CDH12: variants seen among roughly 807,000 people sequenced by gnomAD.
CDH12 encodes cadherin 12.
Under a neutral mutation model 74.1 loss-of-function variants are expected in CDH12, and 41 were observed. The observed-to-expected ratio is 0.55, with a 90% confidence interval of 0.43 to 0.72. The LOEUF is 0.72. Among genes scored for constraint, CDH12 ranks in the 30% least tolerant of loss-of-function variants. CDH12 has a pLI of 0.00. For synonymous variants in CDH12, 399 were observed against 355.0 expected (o/e 1.12, Z -1.39); for missense variants, 945 against 977.2 (o/e 0.97, Z 0.44).
intron 1 of CDH12, among the ~76,000 whole-genome samples, chr5:22,566,676 G>A (rs1739301483): frequency 6.6e-6 from 1 of 152,100 alleles, no homozygotes; most frequent in African/African-American, 2.4e-5. Flanking sequence ...AAAAATGCTG[G>A]TTAGCGTCCG....
intron 2 of CDH12, among the ~76,000 whole-genome samples, chr5:22,416,971 G>A (rs1284129465): frequency 1.3e-5 from 2 of 152,000 alleles, no homozygotes; most frequent in African/African-American, 4.8e-5. Flanking sequence ...AGATAATTAT[G>A]GACTACATTT....
chr5:22,613,589 G>C (rs1737527043), intron 1 of CDH12, among the ~76,000 whole-genome samples: 1 of 152,060 alleles, frequency 6.6e-6, no homozygotes, highest in African/African-American at 2.4e-5. Flanking sequence ...ATTTTCGACT[G>C]CCAAAACATC....
At chr5:22,090,606 TAC>T (rs59054021) in intron 4 of CDH12, among the ~76,000 whole-genome samples, 909 of 147,492 alleles carry the variant, frequency 6.2e-3, no homozygotes, top group Middle Eastern at 0.035. Flanking sequence ...CATACATACA[TAC>T]ACACACACAC....
At chr5:22,069,114 T>G (rs1741764529) in intron 5 of CDH12, among the ~76,000 whole-genome samples, 1 of 152,198 alleles carries the variant, frequency 6.6e-6, no homozygotes, top group Non-Finnish European at 1.5e-5. Context: ...AACTACCATC[T>G]GTGACCTATA....
At chr5:22,390,973 T>G (rs535343905) in intron 3 of CDH12, among the ~76,000 whole-genome samples, 1 of 152,224 alleles carries the variant, frequency 6.6e-6, no homozygotes, top group Non-Finnish European at 1.5e-5. Context: ...TAGATCTGCT[T>G]TGGTTGGGAT....
chr5:22,389,051 A>G (rs1360228289), intron 3 of CDH12, among the ~76,000 whole-genome samples: 1 of 152,198 alleles, frequency 6.6e-6, no homozygotes, highest in Non-Finnish European at 1.5e-5. Context: ...ATTTATGACT[A>G]AGCCAATACC....
intron 1 of CDH12, among the ~76,000 whole-genome samples, chr5:22,764,869 G>GAGA (rs1244854996): frequency 1.3e-5 from 2 of 151,922 alleles, no homozygotes; most frequent in African/African-American, 2.4e-5. Context: ...AAGAAAGTCG[G>GAGA]AGAAATTGTT....
chr5:22,005,286 G>A (rs1251381571), intron 5 of CDH12, among the ~76,000 whole-genome samples: 6 of 151,900 alleles, frequency 3.9e-5, no homozygotes, highest in East Asian at 3.9e-4. Flanking sequence ...CAGGTGATCC[G>A]CCCACCTCGG....
chr5:22,364,730 C>A (rs564136571), intron 3 of CDH12, among the ~76,000 whole-genome samples: 1 of 152,188 alleles, frequency 6.6e-6, no homozygotes, highest in Admixed American at 6.5e-5. Flanking sequence ...AAAAATGCAC[C>A]AATGTTACCT....
intron 5 of CDH12, among the ~76,000 whole-genome samples, chr5:21,996,104 CG>C (rs1464417323): frequency 8.2e-6 from 1 of 121,794 alleles, no homozygotes; most frequent in Non-Finnish European, 1.6e-5. Context: ...TTCACACACA[CG>C]TTTTTTTTTT....
chr5:22,085,690 A>G (rs922613890), intron 4 of CDH12, among the ~76,000 whole-genome samples: 2 of 152,196 alleles, frequency 1.3e-5, no homozygotes, highest in Non-Finnish European at 2.9e-5. Context: ...TTTATTTTCC[A>G]TATTATTAAA....
intron 2 of CDH12, among the ~76,000 whole-genome samples, chr5:22,431,647 G>A (rs939411506): frequency 1.3e-5 from 2 of 152,200 alleles, no homozygotes; most frequent in African/African-American, 2.4e-5. Flanking sequence ...CTCAATGCAT[G>A]TAAGTGCCCC....
chr5:22,398,680 C>T (rs1328322518), intron 3 of CDH12, among the ~76,000 whole-genome samples: 1 of 152,108 alleles, frequency 6.6e-6, no homozygotes, highest in Non-Finnish European at 1.5e-5. Flanking sequence ...TCCTTTTTCA[C>T]CAGAGACATC....
At chr5:21,924,929 C>T (rs988106680) in intron 6 of CDH12, among the ~76,000 whole-genome samples, 4 of 152,030 alleles carry the variant, frequency 2.6e-5, no homozygotes, top group African/African-American at 9.7e-5. Context: ...CATCTGTATC[C>T]AACATATAGC....
At chr5:22,576,612 T>G (rs1390304407) in intron 1 of CDH12, among the ~76,000 whole-genome samples, 1 of 152,104 alleles carries the variant, frequency 6.6e-6, no homozygotes, top group African/African-American at 2.4e-5. Context: ...TCGGAGGAAA[T>G]TGCCGTTAAG....
At chr5:21,892,397 A>AGGT (rs1479977842) in intron 6 of CDH12, among the ~76,000 whole-genome samples, 1 of 152,100 alleles carries the variant, frequency 6.6e-6, no homozygotes, top group African/African-American at 2.4e-5. Flanking sequence ...ACTCTAGGGT[A>AGGT]GGTGGTGGGT....
chr5:22,098,489 CA>C, intron 4 of CDH12, among the ~76,000 whole-genome samples: 1 of 152,180 alleles, frequency 6.6e-6, no homozygotes, highest in African/African-American at 2.4e-5. Context: ...TTGCGTGCAG[CA>C]GCTGCCGCTG....
chr5:22,039,216 C>T (rs1183650939), intron 5 of CDH12, among the ~76,000 whole-genome samples: 2 of 152,134 alleles, frequency 1.3e-5, no homozygotes, highest in African/African-American at 4.8e-5. Context: ...TGGTCTGGTT[C>T]CAAAACTGAA....
At chr5:22,386,586 A>T (rs543738355) in intron 3 of CDH12, among the ~76,000 whole-genome samples, 253 of 152,068 alleles carry the variant, frequency 1.7e-3, no homozygotes, top group African/African-American at 5.9e-3. Context: ...ATATGCCCAT[A>T]AAAAAAATCT....
Sources: gnomAD v4.1 joint callset for allele counts (sites outside exome capture counted in the v4.1 genomes callset) on GRCh38, gnomAD v4.1.1 for gene constraint, MANE v1.5 for transcripts, NCBI Gene and HGNC (gene_info 2026-07-23, HGNC 2026-07-21) for gene names.